Variants in CELF2 observed in about 807,000 individuals in gnomAD.
The protein encoded by CELF2 is CUGBP Elav-like family member 2.
CELF2 carries 8 observed loss-of-function variants against 62.6 expected under a neutral mutation model. The ratio of observed to expected loss-of-function variants is 0.13; its 90% CI spans 0.07 to 0.23. The LOEUF (loss-of-function observed/expected upper bound fraction) is 0.23. Ranked by LOEUF, CELF2 falls within the 10% of genes least tolerant of loss-of-function variation. The pLI, the probability that CELF2 is intolerant of heterozygous loss-of-function variation, is 1.00. For synonymous variants in CELF2, 258 were observed against 250.0 expected, an observed-to-expected ratio of 1.03 and a Z score of -0.30; for missense variants, 333 against 671.0, an observed-to-expected ratio of 0.50 and a Z score of 5.56.
At chr10:10,806,203 CTTTTT>C (rs112165245) in intron 1 of CELF2, among the ~76,000 whole-genome samples, 1 of 141,442 alleles carries the variant, frequency 7.1e-6, no homozygotes, top group Admixed American at 7.1e-5. Context: ...TTCCAGTGTT[CTTTTT>C]TTTTTTTTTT....
the CELF2 span, among the ~76,000 whole-genome samples, chr10:10,760,201 G>A: frequency 6.6e-6 from 1 of 152,174 alleles, no homozygotes; most frequent in Non-Finnish European, 1.5e-5. Flanking sequence ...ACTGTGGCCA[G>A]CTAAAATCAT....
chr10:10,909,365 A>G (rs1279377488), intron 1 of CELF2, among the ~76,000 whole-genome samples: 1 of 152,192 alleles, frequency 6.6e-6, no homozygotes, highest in Non-Finnish European at 1.5e-5. Context: ...TGTGGCCCCT[A>G]CTTCATCACA....
intron 9 of CELF2, among the ~76,000 whole-genome samples, chr10:11,308,328 T>G (rs946490674): frequency 6.6e-6 from 1 of 152,232 alleles, no homozygotes; most frequent in African/African-American, 2.4e-5. Context: ...TTATCAGCCA[T>G]TATCTCTTGA....
At chr10:11,249,758 T>A (rs895705656) in intron 4 of CELF2, among the ~76,000 whole-genome samples, 2 of 152,234 alleles carry the variant, frequency 1.3e-5, no homozygotes, top group African/African-American at 4.8e-5. Context: ...TGCAAAAATC[T>A]GCATTTGATG....
the CELF2 span, among the ~76,000 whole-genome samples, chr10:10,714,402 T>C: frequency 6.6e-6 from 1 of 152,138 alleles, no homozygotes; most frequent in Non-Finnish European, 1.5e-5. Context: ...GTAGCTGAAT[T>C]ATAACTAATT....
In CELF2 at chr10:11,285,831, GTGTGTGT is replaced by G. The variant is rs2091074969; in HGVS notation, c.842-2586_842-2580del. Among the ~76,000 whole-genome samples, 2 of 13,752 alleles carry G rather than the reference GTGTGTGT, an allele frequency of 1.5e-4. No homozygotes were observed. The highest frequency in any genetic ancestry group is 5.9e-4 in the East Asian group (1 of 1,690). The allele number at this position is 13,752 out of a possible 152,430, so 9.0% of individuals were successfully genotyped here. A position where few individuals can be genotyped will look rare whatever the true frequency, so the allele number is the denominator to read the frequency against. On this transcript the variant is annotated intron_variant, in intron 8 of 12. Transcript: ENST00000633077. This position sits in a 1 kb window ranked among gnomAD's most constrained non-coding sequence, Gnocchi z 4.3. ...CATCACCTACTATATATATTGGTGT[GTGTGTGT>G]GTGTGTGTGTGTGTGTGTGTGTGTG...
the CELF2 span, among the ~76,000 whole-genome samples, chr10:10,551,097 C>T: frequency 2.6e-5 from 4 of 152,160 alleles, no homozygotes; most frequent in Non-Finnish European, 2.9e-5. Flanking sequence ...GTTATGTGAC[C>T]GTCAATGTGG....
intron 2 of CELF2, chr10:10,923,807 A>G (rs2065151025): frequency 6.6e-6 from 1 of 152,262 alleles, no homozygotes; most frequent in Non-Finnish European, 1.5e-5. Context: ...AGTGTCCCGG[A>G]AACGGGATGT....
intron 2 of CELF2, chr10:10,935,463 G>A (rs752964047): frequency 6.6e-6 from 1 of 152,132 alleles, no homozygotes. Flanking sequence ...GAGAAACTTA[G>A]GCATAACAGG....
At chr10:10,566,824 C>A in the CELF2 span, among the ~76,000 whole-genome samples, 4 of 152,208 alleles carry the variant, frequency 2.6e-5, no homozygotes, top group Non-Finnish European at 5.9e-5. Context: ...CAAAACACTG[C>A]TAGAGATTGT....
chr10:10,943,429 G>A (rs1262606271), intron 2 of CELF2, among the ~76,000 whole-genome samples: 3 of 152,160 alleles, frequency 2.0e-5, no homozygotes, highest in Admixed American at 6.5e-5. Context: ...AGAAACTCAT[G>A]TGCATATTTC....
At chr10:10,874,317 G>A (rs1415825816) in intron 1 of CELF2, among the ~76,000 whole-genome samples, 1 of 151,910 alleles carries the variant, frequency 6.6e-6, no homozygotes, top group Non-Finnish European at 1.5e-5. Context: ...GTGACAAAGT[G>A]ACTCTGTCTC....
intron 1 of CELF2, among the ~76,000 whole-genome samples, chr10:10,882,665 TATC>T (rs1375636850): frequency 6.6e-6 from 1 of 152,178 alleles, no homozygotes; most frequent in African/African-American, 2.4e-5. Flanking sequence ...AGAGGGAAAA[TATC>T]ATACTTAATG....
intron 1 of CELF2, among the ~76,000 whole-genome samples, chr10:11,146,862 G>A (rs893721948): frequency 2.0e-5 from 3 of 152,202 alleles, no homozygotes; most frequent in African/African-American, 7.2e-5. Context: ...GATAGCACGG[G>A]TGAAAAGTAA....
At chr10:10,831,448 G>T (rs924780266) in intron 1 of CELF2, among the ~76,000 whole-genome samples, 5 of 152,248 alleles carry the variant, frequency 3.3e-5, no homozygotes, top group African/African-American at 1.2e-4. Flanking sequence ...AAAGAGGTGA[G>T]CCAATAAATC....
chr10:10,759,287 C>T, the CELF2 span, among the ~76,000 whole-genome samples: 2 of 146,568 alleles, frequency 1.4e-5, no homozygotes, highest in Middle Eastern at 3.5e-3. Flanking sequence ...AAACTCAGTG[C>T]CCATTTTTCT....
At chr10:10,557,449 G>C in the CELF2 span, among the ~76,000 whole-genome samples, 3 of 138,930 alleles carry the variant, frequency 2.2e-5, no homozygotes, top group African/African-American at 8.8e-5. Context: ...TTGCAGTAAA[G>C]TTTGAAGTCA....
the CELF2 span, among the ~76,000 whole-genome samples, chr10:10,737,962 G>A: frequency 2.0e-4 from 30 of 152,264 alleles, no homozygotes; most frequent in Admixed American, 7.8e-4. Context: ...TCTGCCTACC[G>A]CTGCAGCATC....
At chr10:10,730,990 A>G in the CELF2 span, among the ~76,000 whole-genome samples, 1 of 152,228 alleles carries the variant, frequency 6.6e-6, no homozygotes. Flanking sequence ...GTGGTGCTAT[A>G]GGAGAAGATA....
Sources: gnomAD v4.1 joint callset for allele counts (sites outside exome capture counted in the v4.1 genomes callset) on GRCh38, gnomAD v4.1.1 for gene constraint, Gnocchi (gnomAD v3.1) non-coding constraint, MANE v1.5 for transcripts, NCBI Gene and HGNC (gene_info 2026-07-23, HGNC 2026-07-21) for gene names.